The following BMP3 variants were observed in gnomAD, a reference collection of about 807,000 sequenced individuals.
BMP3 encodes bone morphogenetic protein 3.
Under a neutral mutation model 38.1 loss-of-function variants are expected in BMP3, and 23 were observed. The ratio of observed to expected loss-of-function variants is 0.60; its 90% CI spans 0.43 to 0.86. The LOEUF is 0.86. BMP3 is among the 40% of genes least tolerant of loss of function. The pLI is 0.00. For synonymous variants in BMP3, 258 were observed against 225.7 expected (o/e 1.14, Z -1.28); for missense variants, 628 against 579.6 (o/e 1.08, Z -0.86).
At chr4:81,032,067 A>G (rs1246119069) in intron 1 of BMP3, among the ~76,000 whole-genome samples, 1 of 152,084 alleles carries the variant, frequency 6.6e-6, no homozygotes, top group Non-Finnish European at 1.5e-5. Context: ...TCATACTTGA[A>G]TAAGACGCCT....
chr4:81,045,990 C>T lies in BMP3; in HGVS notation c.569C>T (p.Ser190Phe). 6.2e-7 allele frequency: 1 copy of T among 1,614,108 alleles called. No homozygotes were observed. The highest frequency in any genetic ancestry group is 1.1e-5 in the South Asian group (1 of 91,068). The change falls in exon 2 of 3, where the codon TCT becomes TTT. Residue 190 changes from serine to phenylalanine, a missense_variant. Physicochemically the swap from Ser to Phe is radical, Grantham distance 155 (BLOSUM62 -2). Coordinates refer to ENST00000282701, the MANE Select transcript of BMP3 (RefSeq NM_001201.5). ...CATCTGTCAGTGGATATGGCCAAAT[C>T]TCATCGAGATATTATGTCCTGGCTG... The part of the protein sequence containing the change: ...LGHLSVDMAK[S>F]HRDIMSWLSK...
At chr4:81,033,599 G>T (rs1739836765) in intron 1 of BMP3, among the ~76,000 whole-genome samples, 1 of 152,184 alleles carries the variant, frequency 6.6e-6, no homozygotes, top group South Asian at 2.1e-4. Flanking sequence ...AAGCTTAAGT[G>T]TCATGTTACC....
chr4:81,034,954 T>C (rs537180653), intron 1 of BMP3, among the ~76,000 whole-genome samples: 1 of 152,286 alleles, frequency 6.6e-6, no homozygotes, highest in African/African-American at 2.4e-5. Flanking sequence ...GGTTTGATGC[T>C]AAGGGACTAG....
rs150626762 is a variant in BMP3, at chr4:81,046,388, A to C, written c.967A>C (p.Thr323Pro). 6.4e-4 allele frequency: 1,028 copies of C among 1,613,864 alleles called. 2 individuals are homozygous for C. The highest frequency in any genetic ancestry group is 1.8e-3 in the South Asian group (163 of 91,074). ...EVWEERKPYK[T>P]LQAQAPEKSK... Reference sequence around the variant, plus strand: ...GTGGGAGGAGAGAAAGCCTTACAAGACCCTTCAGGCTCAGGCCCCTGAAAA... The same window carrying C: ...GTGGGAGGAGAGAAAGCCTTACAAGCCCCTTCAGGCTCAGGCCCCTGAAAA... The change falls in exon 2 of 3, where the codon ACC (threonine) becomes CCC (proline). Residue 323 changes from threonine to proline, a missense_variant. Coordinates refer to ENST00000282701, the MANE Select transcript of BMP3 (RefSeq NM_001201.5).
chr4:81,031,489 A>T lies in BMP3; in HGVS notation c.205A>T (p.Thr69Ser). ...GCTGCGGCTCTATGACAGGTACAGC[A>T]CGGTCCAGGCGGCCCGGACACCGGG... is the stretch of plus-strand genomic sequence containing the variant. ...HMLRLYDRYS[T>S]VQAARTPGSL... is the part of the protein sequence containing the mutation. Residue 69 changes from threonine (T) to serine (S), a missense_variant, in exon 1 of 3, where the codon ACG (threonine) becomes TCG (serine). Coordinates refer to ENST00000282701, the MANE Select transcript of BMP3 (RefSeq NM_001201.5). 1 of 1,612,962 alleles carries T rather than the reference A, an allele frequency of 6.2e-7. No individual in the cohort carries two copies. Among genetic ancestry groups the T allele is most frequent in the Non-Finnish European group, 8.5e-7 (1 of 1,179,632 alleles).
intron 1 of BMP3, among the ~76,000 whole-genome samples, chr4:81,043,713 G>A (rs921914536): frequency 1.3e-5 from 2 of 150,760 alleles, no homozygotes; most frequent in East Asian, 2.0e-4. Flanking sequence ...TCAGCCTCCC[G>A]AGTAGCTGGG....
intron 2 of BMP3, among the ~76,000 whole-genome samples, chr4:81,052,340 T>G (rs1284819199): frequency 6.6e-6 from 1 of 152,176 alleles, no homozygotes; most frequent in Non-Finnish European, 1.5e-5. Context: ...GTGGGGCATC[T>G]CTTAGGAAGT....
At chr4:81,049,292 A>G (rs1740343151) in intron 2 of BMP3, among the ~76,000 whole-genome samples, 1 of 152,184 alleles carries the variant, frequency 6.6e-6, no homozygotes, top group Non-Finnish European at 1.5e-5. Context: ...TGTTTTCTAA[A>G]TGTTTCTAGT....
rs761028782 is a variant in BMP3 at position 81,031,243 on chromosome 4, G to T, written c.-42G>T. 7 of 1,527,410 alleles carry T rather than the reference G, an allele frequency of 4.6e-6. No homozygotes were observed. The highest frequency in any genetic ancestry group is 3.9e-5 in the South Asian group (3 of 77,334). The allele number at this position is 1,527,410 out of a possible 1,614,324, so 94.6% of individuals were successfully genotyped here. A position where few individuals can be genotyped will look rare whatever the true frequency, so the allele number is the denominator to read the frequency against. On this transcript the variant is annotated 5_prime_UTR_variant, in exon 1 of 3. Coordinates refer to ENST00000282701, the MANE Select transcript of BMP3 (RefSeq NM_001201.5). ...GCTCCTTGCGCCTTCGGAGTGTCCC[G>T]CAGCGACGCCGGGAGCCGACGCGCC... is the stretch of plus-strand genomic sequence containing the variant.
chr4:81,032,194 CAAA>C (rs5859748), intron 1 of BMP3, among the ~76,000 whole-genome samples: 1,461 of 73,958 alleles, frequency 0.02, 24 homozygotes, highest in East Asian at 0.14. Context: ...TCCTTAGTGG[CAAA>C]AAAAAAAAAA....
intron 2 of BMP3, among the ~76,000 whole-genome samples, chr4:81,050,398 A>G (rs1740373715): frequency 6.6e-6 from 1 of 152,180 alleles, no homozygotes; most frequent in South Asian, 2.1e-4. Context: ...CATACAGTTA[A>G]TGCCAAGTTC....
intron 1 of BMP3, among the ~76,000 whole-genome samples, chr4:81,031,886 G>A (rs1451172598): frequency 3.9e-5 from 6 of 152,104 alleles, no homozygotes; most frequent in Non-Finnish European, 7.4e-5. Flanking sequence ...AAGGGAAGGG[G>A]CGACACCCCA....
intron 1 of BMP3, among the ~76,000 whole-genome samples, chr4:81,044,249 T>C (rs1740170473): frequency 6.6e-6 from 1 of 152,198 alleles, no homozygotes; most frequent in Non-Finnish European, 1.5e-5. Flanking sequence ...CAATCCTCCA[T>C]AACTCTGAGC....
chr4:81,040,712 A>C (rs765567333), intron 1 of BMP3, among the ~76,000 whole-genome samples: 1 of 152,212 alleles, frequency 6.6e-6, no homozygotes, highest in African/African-American at 2.4e-5. Flanking sequence ...CTGCATTAAT[A>C]AACTGGTTAC....
At chr4:81,031,632 G>C (rs1001769563) in intron 1 of BMP3, 32 bp downstream of exon 1, 2 of 1,522,758 alleles carry the variant, frequency 1.3e-6, no homozygotes, top group East Asian at 2.4e-5. Flanking sequence ...CCCTTCCCGC[G>C]GTCCCGCCCC....
Position 81,045,764 on chromosome 4 carries a change from A to G in BMP3, c.343A>G (p.Ile115Val). Residue 115 changes from isoleucine (I) to valine (V), a missense_variant, in exon 2 of 3, where the codon ATC (isoleucine) becomes GTC (valine). Coordinates refer to ENST00000282701, the MANE Select transcript of BMP3 (RefSeq NM_001201.5). ...AACTCTTGAAAGAAAAGGACTGTAT[A>G]TCTTCAATCTGACATCGCTAACCAA... is the stretch of plus-strand genomic sequence containing the variant. ...AETLERKGLY[I>V]FNLTSLTKSE... 1 of 1,609,592 alleles carries G rather than the reference A, an allele frequency of 6.2e-7. No homozygotes were observed. Among genetic ancestry groups the G allele is most frequent in the Non-Finnish European group, 8.5e-7 (1 of 1,178,332 alleles).
At chr4:81,052,788 T>C (rs1740431344) in intron 2 of BMP3, among the ~76,000 whole-genome samples, 1 of 152,156 alleles carries the variant, frequency 6.6e-6, no homozygotes, top group African/African-American at 2.4e-5. Flanking sequence ...TCAATACCCC[T>C]CTGACCTGCT....
In BMP3 at chr4:81,055,927, C is replaced by A. The variant is rs148511432; in HGVS notation, c.*2391C>A. On this transcript the variant is annotated 3_prime_UTR_variant, in exon 3 of 3. Transcript: ENST00000282701. Reference sequence around the variant, plus strand: ...TTTTAACCAGCAGTTTTTCTGGGTGCTTTGTAACTATCATTTTACTAATGA... The same window carrying A: ...TTTTAACCAGCAGTTTTTCTGGGTGATTTGTAACTATCATTTTACTAATGA... 1 of 152,068 alleles carries A rather than the reference C, an allele frequency of 6.6e-6. No homozygotes were observed. The highest frequency in any genetic ancestry group is 1.5e-5 in the Non-Finnish European group (1 of 68,006). 9.4% of individuals were successfully genotyped at this position (152,068 alleles called of 1,614,324 possible). A position where few individuals can be genotyped will look rare whatever the true frequency, so the allele number is the denominator to read the frequency against.
rs1439430755 is a variant in BMP3, at chr4:81,055,136, C to T, written c.*1600C>T. ...GTTAAGTTTATAATTCCAGCTATTT[C>T]ACACCCGTCTTCCTTGAAGGAATGA... On this transcript the variant is annotated 3_prime_UTR_variant, in exon 3 of 3. Coordinates refer to ENST00000282701, the MANE Select transcript of BMP3 (RefSeq NM_001201.5). 1.3e-5 allele frequency: 2 copies of T among 152,186 alleles called. No homozygotes were observed. Among genetic ancestry groups the T allele is most frequent in the African/African-American group, 4.8e-5 (2 of 41,444 alleles). 9.4% of individuals were successfully genotyped at this position (152,186 alleles called of 1,614,324 possible). A position where few individuals can be genotyped will look rare whatever the true frequency, so the allele number is the denominator to read the frequency against.
Sources: allele counts gnomAD v4.1 joint callset (sites outside exome capture counted in the v4.1 genomes callset), GRCh38; gene constraint gnomAD v4.1.1; transcripts MANE v1.5; gene names NCBI Gene and HGNC (gene_info 2026-07-23, HGNC 2026-07-21).